DMTF1: variants seen among roughly 807,000 people sequenced by gnomAD.
DMTF1 encodes cyclin D binding myb like transcription factor 1.
DMTF1 carries 39 observed loss-of-function variants against 91.1 expected under a neutral mutation model. The observed-to-expected ratio is 0.43, with a 90% CI of 0.33 to 0.56. The LOEUF (loss-of-function observed/expected upper bound fraction) is 0.56. Among genes scored for constraint, DMTF1 ranks in the 20% least tolerant of loss-of-function variants. The pLI is 0.05. For synonymous variants in DMTF1, 338 were observed against 309.5 expected, an observed-to-expected ratio of 1.09 and a Z score of -0.97; for missense variants, 750 against 914.5, an observed-to-expected ratio of 0.82 and a Z score of 2.32.
chr7:87,190,855 TATG>T (rs1799594064), intron 13 of DMTF1, 87 bp from the exon 14 acceptor site: 8 of 1,046,084 alleles, frequency 7.6e-6, no homozygotes, highest in Non-Finnish European at 9.7e-6. Context: ...AAATTGCCTT[TATG>T]ATAATTGAGT....
chr7:87,175,449 T>G (rs1256334306), intron 7 of DMTF1, among the ~76,000 whole-genome samples: 1 of 152,210 alleles, frequency 6.6e-6, no homozygotes, highest in Non-Finnish European at 1.5e-5. Context: ...ATTAAATGTC[T>G]TTTGAACACA....
At chr7:87,184,076 T>C (rs1797926052) in intron 10 of DMTF1, among the ~76,000 whole-genome samples, 1 of 152,354 alleles carries the variant, frequency 6.6e-6, no homozygotes, top group African/African-American at 2.4e-5. Flanking sequence ...GACGAAGCTC[T>C]TCCCACTTCA....
chr7:87,182,406 T>C (rs961948399), intron 10 of DMTF1, 69 bp downstream of exon 10: 5 of 1,481,686 alleles, frequency 3.4e-6, no homozygotes, highest in Non-Finnish European at 4.7e-6. Context: ...GGATACTGCC[T>C]TTTCTTTGCT....
At chr7:87,169,161 A>G (rs1000018308) in intron 4 of DMTF1, among the ~76,000 whole-genome samples, 3 of 152,150 alleles carry the variant, frequency 2.0e-5, no homozygotes, top group Non-Finnish European at 4.4e-5. Context: ...ATTTTTCCTT[A>G]AAATAAAAAG....
chr7:87,185,491 A>G (rs900153376), intron 11 of DMTF1, among the ~76,000 whole-genome samples: 1 of 152,216 alleles, frequency 6.6e-6, no homozygotes, highest in African/African-American at 2.4e-5. Flanking sequence ...TAAATGCCAC[A>G]CTATGAAACA....
At chr7:87,178,270 A>G (rs1460264461) in intron 7 of DMTF1, among the ~76,000 whole-genome samples, 3 of 152,030 alleles carry the variant, frequency 2.0e-5, no homozygotes, top group Non-Finnish European at 2.9e-5. Flanking sequence ...AAACGCAAAT[A>G]ACTGCATTTT....
At chr7:87,173,831 A>G (rs1383411872) in intron 6 of DMTF1, among the ~76,000 whole-genome samples, 182 bp downstream of exon 6, 1 of 152,160 alleles carries the variant, frequency 6.6e-6, no homozygotes, top group Non-Finnish European at 1.5e-5. Context: ...TGAAACCACC[A>G]TTTGTTTTTC....
At chr7:87,166,415 G>A (rs1454909531) in intron 3 of DMTF1, 68 bp from the exon 4 acceptor site, 4 of 1,508,478 alleles carry the variant, frequency 2.7e-6, no homozygotes, top group Non-Finnish European at 3.6e-6. Flanking sequence ...AAATTGTAGA[G>A]CCATTGTTAG....
At chr7:87,183,503 C>T (rs1265820414) in intron 10 of DMTF1, among the ~76,000 whole-genome samples, 4 of 152,204 alleles carry the variant, frequency 2.6e-5, no homozygotes, top group African/African-American at 9.7e-5. Flanking sequence ...TAGTCCCATC[C>T]TTTCACAGCA....
intron 1 of DMTF1, among the ~76,000 whole-genome samples, chr7:87,158,449 A>G (rs1791368312): frequency 6.6e-6 from 1 of 152,092 alleles, no homozygotes. Context: ...TAGTCTTGCA[A>G]AAAAACTTCA....
In DMTF1 at chr7:87,174,587, T is replaced by C; in HGVS notation, c.443-6T>C. 1 of 1,591,824 alleles carries C rather than the reference T, an allele frequency of 6.3e-7. No individual in the cohort carries two copies. Among genetic ancestry groups the C allele is most frequent in the Non-Finnish European group, 8.6e-7 (1 of 1,164,664 alleles). The stretch of plus-strand genomic sequence containing the variant: ...TTTTTATAACATTACTTGTTTTCTT[T>C]TAAAGGACATAAATGGAAGCAGGGG... On this transcript the variant is annotated splice_polypyrimidine_tract_variant and splice_region_variant and intron_variant, in intron 6 of 17. Transcript: ENST00000331242.
In DMTF1 at chr7:87,166,537, G is replaced by A; in HGVS notation, c.164G>A (p.Cys55Tyr). The change falls in exon 4 of 18, where the codon TGT (cysteine) becomes TAT (tyrosine). Residue 55 changes from cysteine to tyrosine, a missense_variant. Coordinates refer to ENST00000331242, the MANE Select transcript of DMTF1 (RefSeq NM_001142327.2). ...ATTGAACCTCCACATAAAAGGCTTTGTTTGTCCTCTGAGGATGATCAGAGT... is the reference window on the plus strand; with the variant it reads ...ATTGAACCTCCACATAAAAGGCTTTATTTGTCCTCTGAGGATGATCAGAGT... Reference protein sequence around the residue: ...DSIEPPHKRLCLSSEDDQSID... With the variant: ...DSIEPPHKRLYLSSEDDQSID... 6.2e-7 allele frequency: 1 copy of A among 1,613,178 alleles called. No individual in the cohort carries two copies. The highest frequency in any genetic ancestry group is 8.5e-7 in the Non-Finnish European group (1 of 1,179,262).
intron 16 of DMTF1, chr7:87,194,466 GCTGACCTATAA>G: frequency 6.1e-6 from 3 of 494,462 alleles, no homozygotes; most frequent in South Asian, 3.5e-5. Context: ...GTTATATTCA[GCTGACCTATAA>G]CTGACCTAGT....
chr7:87,192,096 G>A (rs893023289), intron 14 of DMTF1, among the ~76,000 whole-genome samples: 71 of 151,796 alleles, frequency 4.7e-4, no homozygotes, highest in Non-Finnish European at 1.8e-4. Context: ...CCATTCCCCT[G>A]GTAAACAATA....
At position 87,180,681 on chromosome 7, in the gene DMTF1, T is replaced by G. The variant is rs1797137716; in HGVS notation, c.678-628T>G. Among the ~76,000 whole-genome samples the G allele has an allele frequency of 2.0e-5, 3 of 152,128 alleles. No individual in the cohort carries two copies. In the South Asian group the frequency reaches 6.2e-4, roughly 31 times the overall value. On this transcript the variant is annotated intron_variant, in intron 8 of 17. Coordinates refer to ENST00000331242, the MANE Select transcript of DMTF1 (RefSeq NM_001142327.2). ...AAGTTTTTTTGGAGTAGTTATGATTTGAGAGTGCCAAAATCTAAGTTTGAA... is the reference window on the plus strand; with the variant it reads ...AAGTTTTTTTGGAGTAGTTATGATTGGAGAGTGCCAAAATCTAAGTTTGAA...
chr7:87,179,401 AT>A, intron 7 of DMTF1, 143 bp from the exon 8 acceptor site: 2 of 565,698 alleles, frequency 3.5e-6, no homozygotes, highest in Middle Eastern at 1.0e-3. Flanking sequence ...AAAAGTTTAT[AT>A]TTGATTTATT....
At chr7:87,161,820 A>T (rs1792498604) in intron 1 of DMTF1, among the ~76,000 whole-genome samples, 1 of 152,242 alleles carries the variant, frequency 6.6e-6, no homozygotes, top group Non-Finnish European at 1.5e-5. Context: ...TTTTTAAAAA[A>T]TAACTATTGG....
intron 1 of DMTF1, chr7:87,155,386 C>T (rs939474179): frequency 1.3e-5 from 2 of 151,884 alleles, no homozygotes; most frequent in Non-Finnish European, 2.9e-5. Flanking sequence ...TTCTTACCAC[C>T]ATCATATTTT....
intron 4 of DMTF1, among the ~76,000 whole-genome samples, chr7:87,169,864 C>G (rs1794684288): frequency 6.6e-6 from 1 of 152,204 alleles, no homozygotes; most frequent in South Asian, 2.1e-4. Context: ...CACCCCAGGA[C>G]TAAGTCCTTA....
Sources: gnomAD v4.1 joint callset for allele counts (sites outside exome capture counted in the v4.1 genomes callset) on GRCh38, gnomAD v4.1.1 for gene constraint, MANE v1.5 for transcripts, NCBI Gene and HGNC (gene_info 2026-07-23, HGNC 2026-07-21) for gene names.